SMTN: variants seen among roughly 807,000 people sequenced by gnomAD.
The protein encoded by SMTN is smoothelin.
Under a neutral mutation model 102.0 loss-of-function variants are expected in SMTN, and 58 were observed. That is an observed-to-expected ratio of 0.57 (90% confidence interval 0.46 to 0.71). The LOEUF is 0.71. Ranked by LOEUF, SMTN falls within the 30% of genes least tolerant of loss-of-function variation. The probability of loss-of-function intolerance (pLI) is 0.00; values close to 1 mark genes in which losing one functional copy is unlikely to be tolerated. For missense variants in SMTN, 1,185 were observed against 1,241.7 expected, an observed-to-expected ratio of 0.95 and a Z score of 0.69; for synonymous variants, 478 against 497.9, an observed-to-expected ratio of 0.96 and a Z score of 0.53.
chr22:31,088,184 G>A, intron 3 of SMTN, 71 bp downstream of exon 3: 2 of 1,477,126 alleles, frequency 1.4e-6, no homozygotes, highest in South Asian at 1.3e-5. Context: ...ATGTGTGCAG[G>A]CAGGCGTGAG....
intron 8 of SMTN, 124 bp downstream of exon 8, chr22:31,090,304 T>C (rs2043025516): frequency 1.4e-6 from 1 of 732,030 alleles, no homozygotes; most frequent in Non-Finnish European, 2.2e-6. Context: ...ATGCAGTCCC[T>C]GATACTGCAC....
chr22:31,087,940 G>A (rs372279169), intron 2 of SMTN, 25 bp from the exon 3 acceptor site: 4 of 1,555,838 alleles, frequency 2.6e-6, no homozygotes, highest in Admixed American at 1.9e-5. Context: ...CAGCCAAAAT[G>A]ACCTGCCTCT....
intron 1 of SMTN, among the ~76,000 whole-genome samples, chr22:31,071,933 C>T (rs759112272): frequency 7.9e-5 from 12 of 151,788 alleles, no homozygotes; most frequent in African/African-American, 2.7e-4. Context: ...TGGACTCAAG[C>T]GATCCTCCCA....
At chr22:31,080,771 AG>A (rs1203515708), upstream of SMTN, 3 of 152,124 alleles carry the variant, frequency 2.0e-5, no homozygotes, top group African/African-American at 7.3e-5. Flanking sequence ...GGGCTGGGGG[AG>A]GCGTGCTGTG....
In SMTN at chr22:31,074,648, G is replaced by A. The variant is rs193118585; in HGVS notation, c.-385-5802G>A. Among the ~76,000 whole-genome samples the A allele has an allele frequency of 2.0e-3, 304 of 152,252 alleles. 1 individual carries two copies. The highest frequency in any genetic ancestry group is 4.8e-3 in the South Asian group (23 of 4,820). On this transcript the variant is annotated intron_variant, in intron 1 of 3. Transcript: ENST00000422839. ...CTACTAAAAATATATAACTTAGCCA[G>A]GCGTGGTGGTGCACACCAGTAATCC...
intron 11 of SMTN, chr22:31,093,531 G>T (rs761419012): frequency 7.2e-6 from 5 of 698,754 alleles, no homozygotes; most frequent in Non-Finnish European, 1.3e-5. Flanking sequence ...AGCTGCGGGC[G>T]GTGGCTGAAG....
chr22:31,088,634 G>C (rs751035672), intron 4 of SMTN, 28 bp downstream of exon 4: 4 of 1,612,354 alleles, frequency 2.5e-6, no homozygotes, highest in Non-Finnish European at 3.4e-6. Flanking sequence ...GCAGGGGATG[G>C]GGGCAGGGCA....
In SMTN at chr22:31,088,139, G is replaced by A. The variant is rs775519152; in HGVS notation, c.200+26G>A. On this transcript the variant is annotated intron_variant, in intron 3 of 20. Coordinates refer to ENST00000333137, the MANE Select transcript of SMTN (RefSeq NM_134269.3). ...GTGAGTAGCGGGGGGTGGAACATGC[G>A]GGTGAGAAGGTGAGTGTGAGCCCTG... The A allele has an allele frequency of 4.0e-5, 63 of 1,569,958 alleles. 1 individual carries two copies. The highest frequency in any genetic ancestry group is 2.4e-4 in the South Asian group (21 of 85,804).
At chr22:31,069,636 T>A (rs1379250107) in intron 1 of SMTN, among the ~76,000 whole-genome samples, 1 of 152,158 alleles carries the variant, frequency 6.6e-6, no homozygotes, top group East Asian at 1.9e-4. Flanking sequence ...GCATCCTGGA[T>A]TCTGGGACAC....
chr22:31,097,004 G>A lies in SMTN; in HGVS notation c.2033G>A (p.Gly678Asp), dbSNP rs528558372. Reference protein sequence around the residue: ...KTERLVHSNDGTRTARTTTVE... With the variant: ...KTERLVHSNDDTRTARTTTVE... ...TCATCCCCTGCCCCTGCAGATGATGGCACACGGACGGCCCGCACCACCACA... is the reference window on the plus strand; with the variant it reads ...TCATCCCCTGCCCCTGCAGATGATGACACACGGACGGCCCGCACCACCACA... The change falls in exon 15 of 21, where the codon GGC becomes GAC. Residue 678 changes from glycine to aspartate, a missense_variant. Physicochemically the swap from Gly to Asp is moderately conservative, Grantham distance 94. Coordinates refer to ENST00000333137, the MANE Select transcript of SMTN (RefSeq NM_134269.3). 15 of 1,614,134 alleles carry A rather than the reference G, an allele frequency of 9.3e-6. No homozygotes were observed. The South Asian group carries it at 1.3e-4, about 14-fold the overall frequency.
intron 2 of SMTN, among the ~76,000 whole-genome samples, chr22:31,086,462 C>T (rs2042709026): frequency 6.6e-6 from 1 of 152,172 alleles, no homozygotes; most frequent in South Asian, 2.1e-4. Flanking sequence ...GACTCACAGG[C>T]TCTCCATAAA....
chr22:31,092,666 A>G, intron 11 of SMTN: 1 of 423,422 alleles, frequency 2.4e-6, no homozygotes, highest in Non-Finnish European at 5.0e-6. Context: ...CCAAAAAAGC[A>G]GGATCCAGCT....
chr22:31,098,316 CA>C (rs978022007), intron 16 of SMTN, among the ~76,000 whole-genome samples: 2 of 152,114 alleles, frequency 1.3e-5, no homozygotes, highest in Admixed American at 1.3e-4. Flanking sequence ...AAAGGATCAA[CA>C]GAGATGAATT....
At chr22:31,079,565 G>A (rs75802456), upstream of SMTN, among the ~76,000 whole-genome samples, 7,719 of 152,312 alleles carry the variant, frequency 0.051, 241 homozygotes, top group Middle Eastern at 0.082. Flanking sequence ...CTGCATGAAG[G>A]GGAGGTCCCA....
chr22:31,089,095 T>C (rs1602619784), intron 6 of SMTN, 126 bp downstream of exon 6: 2 of 756,064 alleles, frequency 2.6e-6, no homozygotes, highest in African/African-American at 1.7e-5. Context: ...CCAGCCTCTA[T>C]TTAGCAGTCA....
chr22:31,070,570 C>T (rs1232504235), intron 1 of SMTN, among the ~76,000 whole-genome samples: 1 of 152,140 alleles, frequency 6.6e-6, no homozygotes, highest in South Asian at 2.1e-4. Flanking sequence ...GCATAATTAT[C>T]TCCTGAGAGA....
At chr22:31,089,427 T>C (rs1024620717) in intron 6 of SMTN, among the ~76,000 whole-genome samples, 13 of 152,126 alleles carry the variant, frequency 8.5e-5, no homozygotes, top group Non-Finnish European at 1.9e-4. Context: ...CCGTCCCCAA[T>C]AGGTCTCCTG....
chr22:31,070,416 C>A (rs553485356), intron 1 of SMTN, among the ~76,000 whole-genome samples: 316 of 152,266 alleles, frequency 2.1e-3, no homozygotes, highest in Non-Finnish European at 3.2e-3. Context: ...ATACTTCACT[C>A]ACGTTGGTCT....
intron 11 of SMTN, 83 bp downstream of exon 11, chr22:31,091,930 T>C: frequency 7.9e-7 from 1 of 1,265,710 alleles, no homozygotes; most frequent in Non-Finnish European, 1.1e-6. Flanking sequence ...GCAGGGTTCC[T>C]CTGCTCCTCC....
Sources: gnomAD v4.1 joint callset for allele counts (sites outside exome capture counted in the v4.1 genomes callset) on GRCh38, gnomAD v4.1.1 for gene constraint, MANE v1.5 for transcripts, NCBI Gene and HGNC (gene_info 2026-07-23, HGNC 2026-07-21) for gene names.